MMUT: variants seen among roughly 807,000 people sequenced by gnomAD.
MMUT encodes the protein methylmalonyl-CoA mutase.
In MMUT, 79 loss-of-function variants were observed where a neutral mutation model predicts 79.9. That is an observed-to-expected ratio of 0.99 (90% CI 0.82 to 1.19). The LOEUF (loss-of-function observed/expected upper bound fraction) is 1.19, where lower values mean the gene tolerates loss of function less well. MMUT is among the 50% of genes most tolerant of loss of function. The pLI, the probability that MMUT is intolerant of heterozygous loss-of-function variation, is 0.00. For missense variants in MMUT, 860 were observed against 917.2 expected, an observed-to-expected ratio of 0.94 and a Z score of 0.81; for synonymous variants, 273 against 295.7, an observed-to-expected ratio of 0.92 and a Z score of 0.79.
chr6:49,438,634 C>T (rs1288049018), intron 11 of MMUT, among the ~76,000 whole-genome samples: 2 of 151,964 alleles, frequency 1.3e-5, no homozygotes, highest in East Asian at 1.9e-4. Flanking sequence ...GTTAATACTC[C>T]ATGTCAACTT....
chr6:49,462,889 G>A (rs1300240631), intron 1 of MMUT, among the ~76,000 whole-genome samples: 1 of 152,188 alleles, frequency 6.6e-6, no homozygotes, highest in African/African-American at 2.4e-5. Context: ...CCTCCGAATT[G>A]CCAGGGACTT....
rs768138141 is a variant in MMUT, at chr6:49,456,125, C to G, written c.866G>C (p.Arg289Thr). The G allele has an allele frequency of 3.1e-6, 5 of 1,613,432 alleles. No individual in the cohort carries two copies. Among genetic ancestry groups the G allele is most frequent in the Non-Finnish European group, 3.4e-6 (4 of 1,179,434 alleles). The change falls in exon 4 of 13, where the codon AGA becomes ACA. Residue 289 changes from arginine (R) to threonine (T), a missense_variant. Arg to Thr is a moderately conservative substitution (Grantham distance 71). Transcript: ENST00000274813. ...YTLADGLEYS[R>T]TGLQAGLTID... ...TGTCAGGCCAGCCTGGAGTCCAGTT[C>G]TAGAGTACTCCAATCCATCTGCTAA...
At chr6:49,443,712 C>T (rs975524971) in intron 9 of MMUT, 2 of 370,006 alleles carry the variant, frequency 5.4e-6, no homozygotes, top group Non-Finnish European at 1.1e-5. Context: ...TATTCTGTTC[C>T]AGGAACTATT....
At chr6:49,459,650 A>G (rs567463420) in intron 1 of MMUT, 145 bp from the exon 2 acceptor site, 2 of 706,778 alleles carry the variant, frequency 2.8e-6, no homozygotes, top group African/African-American at 3.6e-5. Context: ...CTGATATTTT[A>G]TAACTTTGGC....
intron 8 of MMUT, 142 bp downstream of exon 8, chr6:49,447,528 C>T: frequency 1.6e-6 from 1 of 615,968 alleles, no homozygotes; most frequent in Non-Finnish European, 2.9e-6. Flanking sequence ...ATCTTTAGTT[C>T]CCTTACATTT....
In MMUT at chr6:49,457,591, A is replaced by C. The variant is rs1485069300; in HGVS notation, c.753+100T>G. On this transcript the variant is annotated intron_variant, in intron 3 of 12. Coordinates refer to ENST00000274813, the MANE Select transcript of MMUT (RefSeq NM_000255.4). Reference sequence around the variant, plus strand: ...AACAATAACAAAACATTCTAAATTTATATTACTCAGACTAAATTTTTAAAT... The same window carrying C: ...AACAATAACAAAACATTCTAAATTTCTATTACTCAGACTAAATTTTTAAAT... 1.4e-5 allele frequency: 14 copies of C among 1,021,060 alleles called. No homozygotes were observed. The East Asian group carries it at 3.3e-4, about 24-fold the overall frequency. The allele number at this position is 1,021,060 out of a possible 1,614,324, so 63.3% of individuals were successfully genotyped here. A position where few individuals can be genotyped will look rare whatever the true frequency, so the allele number is the denominator to read the frequency against.
chr6:49,441,804 A>C (rs1767282015), intron 10 of MMUT, 36 bp downstream of exon 10: 2 of 1,602,350 alleles, frequency 1.2e-6, no homozygotes. Flanking sequence ...CTAACAGAAA[A>C]GATGAAATTC....
intron 12 of MMUT, 92 bp downstream of exon 12, chr6:49,435,364 C>T: frequency 7.7e-7 from 1 of 1,294,156 alleles, no homozygotes; most frequent in Non-Finnish European, 1.1e-6. Flanking sequence ...TAATATGTTC[C>T]TAAATCTACA....
At chr6:49,440,914 A>G (rs112550748) in intron 10 of MMUT, among the ~76,000 whole-genome samples, 2,156 of 152,308 alleles carry the variant, frequency 0.014, 44 homozygotes, top group African/African-American at 0.047. Flanking sequence ...TGAATTGTCC[A>G]TATCTCATCT....
At chr6:49,432,725 G>T (rs920892791) in intron 12 of MMUT, among the ~76,000 whole-genome samples, 1 of 152,140 alleles carries the variant, frequency 6.6e-6, no homozygotes, top group East Asian at 1.9e-4. Context: ...TGAGTGAAAA[G>T]ATATCAAGGG....
rs121918250 is a variant in MMUT at position 49,451,668 on chromosome 6, G to T, written c.1130C>A (p.Ala377Glu). ...IVRTAIEAMA[A>E]VFGGTQSLHT... ...CAAAGACTGAGTCCCTCCAAATACTGCTGCCATTGCTTCTATTGCAGTACG... is the reference window on the plus strand; with the variant it reads ...CAAAGACTGAGTCCCTCCAAATACTTCTGCCATTGCTTCTATTGCAGTACG... Residue 377 changes from alanine (A) to glutamate (E), a missense_variant, in exon 6 of 13, where the codon GCA becomes GAA. Physicochemically the swap from Ala to Glu is moderately radical, Grantham distance 107. Transcript: ENST00000274813. 1.2e-6 allele frequency: 2 copies of T among 1,613,832 alleles called. No homozygotes were observed. The highest frequency in any genetic ancestry group is 2.7e-5 in the African/African-American group (2 of 74,890).
chr6:49,439,937 G>A (rs757483569), intron 11 of MMUT, among the ~76,000 whole-genome samples: 1 of 152,148 alleles, frequency 6.6e-6, no homozygotes, highest in Non-Finnish European at 1.5e-5. Context: ...AGGTCTCTCC[G>A]AATAAGATTA....
At chr6:49,440,439 T>C (rs1767245578) in intron 10 of MMUT, 86 bp from the exon 11 acceptor site, 1 of 1,393,564 alleles carries the variant, frequency 7.2e-7, no homozygotes, top group South Asian at 1.2e-5. Flanking sequence ...ACAGCAAATC[T>C]TTCAAGTTTA....
intron 6 of MMUT, among the ~76,000 whole-genome samples, chr6:49,451,141 T>C (rs937535826): frequency 2.0e-5 from 3 of 152,118 alleles, no homozygotes; most frequent in African/African-American, 7.2e-5. Context: ...CAAAGAAGTA[T>C]GTATCTTACT....
In MMUT at chr6:49,458,024, C is replaced by T. The variant is rs763408727; in HGVS notation, c.420G>A (p.Leu140=). The change falls in exon 3 of 13, where the codon CTG becomes CTA. Residue 140 remains leucine (L), a synonymous_variant. Transcript: ENST00000274813. ...CTGAATCATAGCCACGATGTGTCGC[C>T]AGATCAAAGGCAACTGATAATCCCT... ...GQQGLSVAFD[L]ATHRGYDSDN... 136 of 1,602,320 alleles carry T rather than the reference C, an allele frequency of 8.5e-5. 2 individuals carry two copies. The South Asian group carries it at 1.4e-3, about 17-fold the overall frequency.
chr6:49,434,739 G>C (rs1345566169), intron 12 of MMUT, among the ~76,000 whole-genome samples: 1 of 152,070 alleles, frequency 6.6e-6, no homozygotes, highest in Admixed American at 6.5e-5. Context: ...ATCATTGTAG[G>C]TAACATCTGT....
intron 1 of MMUT, among the ~76,000 whole-genome samples, chr6:49,459,924 G>A (rs905554542): frequency 2.0e-5 from 3 of 152,038 alleles, no homozygotes; most frequent in African/African-American, 7.2e-5. Flanking sequence ...GTTTATGACC[G>A]ACATTATGTT....
At chr6:49,435,910 G>T (rs1212630389) in intron 11 of MMUT, among the ~76,000 whole-genome samples, 5 of 152,114 alleles carry the variant, frequency 3.3e-5, no homozygotes, top group African/African-American at 4.8e-5. Flanking sequence ...TCTAATACCT[G>T]CATCTATAAA....
chr6:49,435,065 T>C (rs1269212192), intron 12 of MMUT, among the ~76,000 whole-genome samples: 2 of 152,156 alleles, frequency 1.3e-5, no homozygotes, highest in Non-Finnish European at 2.9e-5. Flanking sequence ...GTACTCACTA[T>C]ATCTCTGGCT....
Sources: gnomAD v4.1 joint callset for allele counts (sites outside exome capture counted in the v4.1 genomes callset) on GRCh38, gnomAD v4.1.1 for gene constraint, MANE v1.5 for transcripts, NCBI Gene and HGNC (gene_info 2026-07-23, HGNC 2026-07-21) for gene names.